Variants in SETBP1 observed in about 807,000 individuals in gnomAD.
SETBP1 encodes SET-binding protein.
Under a neutral mutation model 101.0 loss-of-function variants are expected in SETBP1, and 9 were observed. That is an observed-to-expected ratio of 0.09 (90% confidence interval 0.05 to 0.16). The LOEUF (loss-of-function observed/expected upper bound fraction) is 0.16, where lower values mean the gene tolerates loss of function less well. Among genes scored for constraint, SETBP1 ranks in the 10% least tolerant of loss-of-function variants. The pLI is 1.00. For synonymous variants in SETBP1, 818 were observed against 788.5 expected (o/e 1.04, Z -0.63); for missense variants, 1,858 against 2,033.8 (o/e 0.91, Z 1.66).
chr18:44,912,943 C>G (rs778673408), intron 3 of SETBP1, among the ~76,000 whole-genome samples: 8 of 152,100 alleles, frequency 5.3e-5, no homozygotes, highest in Non-Finnish European at 1.0e-4. Flanking sequence ...GGCTCTGGCA[C>G]CTCTCTTCAG....
At chr18:44,745,727 A>G (rs1373376201) in intron 2 of SETBP1, among the ~76,000 whole-genome samples, 1 of 152,158 alleles carries the variant, frequency 6.6e-6, no homozygotes, top group African/African-American at 2.4e-5. Context: ...TGGGGAGTCA[A>G]TAAGGAGACT....
chr18:44,813,333 AG>A (rs1192565500), intron 2 of SETBP1, among the ~76,000 whole-genome samples: 2 of 152,162 alleles, frequency 1.3e-5, no homozygotes, highest in Non-Finnish European at 2.9e-5. Context: ...GGGAAGTAGA[AG>A]GGCTTTTTTT....
chr18:44,687,960 G>A (rs971404604), intron 1 of SETBP1, among the ~76,000 whole-genome samples: 13 of 152,112 alleles, frequency 8.5e-5, no homozygotes, highest in African/African-American at 2.9e-4. Flanking sequence ...GATCAGATAC[G>A]GTGACCCACA....
At chr18:44,859,252 A>G (rs1037911006) in intron 2 of SETBP1, among the ~76,000 whole-genome samples, 2 of 152,210 alleles carry the variant, frequency 1.3e-5, no homozygotes, top group African/African-American at 4.8e-5. Flanking sequence ...GGGGAGATCA[A>G]GATGGCAGAG....
At chr18:44,726,506 G>T (rs916846654) in intron 2 of SETBP1, among the ~76,000 whole-genome samples, 2 of 152,160 alleles carry the variant, frequency 1.3e-5, no homozygotes, top group African/African-American at 2.4e-5. Flanking sequence ...TGAATAACTT[G>T]CCAAATGACA....
intron 3 of SETBP1, among the ~76,000 whole-genome samples, chr18:44,903,973 T>A (rs548520864): frequency 6.6e-6 from 1 of 152,308 alleles, no homozygotes; most frequent in Non-Finnish European, 1.5e-5. Flanking sequence ...AAATTAAAGG[T>A]CTTTTAGGCC....
intron 2 of SETBP1, among the ~76,000 whole-genome samples, chr18:44,708,049 G>T (rs963901421): frequency 6.6e-6 from 1 of 152,200 alleles, no homozygotes; most frequent in Admixed American, 6.5e-5. Flanking sequence ...GTGAGGAGGG[G>T]TCTATGAGAG....
At chr18:44,817,946 G>A (rs985960167) in intron 2 of SETBP1, among the ~76,000 whole-genome samples, 1 of 152,126 alleles carries the variant, frequency 6.6e-6, no homozygotes, top group African/African-American at 2.4e-5. Flanking sequence ...ACTGTCTTTG[G>A]ACATATATAA....
chr18:44,908,495 A>G (rs776957792), intron 3 of SETBP1, among the ~76,000 whole-genome samples: 1 of 152,218 alleles, frequency 6.6e-6, no homozygotes, highest in Non-Finnish European at 1.5e-5. Flanking sequence ...TCAAAAGTCA[A>G]TGAGCAATAA....
intron 3 of SETBP1, among the ~76,000 whole-genome samples, chr18:44,908,082 A>G (rs544560128): frequency 6.7e-6 from 1 of 149,656 alleles, no homozygotes; most frequent in Admixed American, 6.7e-5. Flanking sequence ...TTTTTTTGAG[A>G]CAGAGTCTTG....
intron 2 of SETBP1, among the ~76,000 whole-genome samples, chr18:44,720,531 A>G (rs1599031399): frequency 1.3e-5 from 2 of 152,352 alleles, no homozygotes; most frequent in African/African-American, 2.4e-5. Context: ...ATGCAGAGCC[A>G]TCGCTCCCAG....
intron 2 of SETBP1, among the ~76,000 whole-genome samples, chr18:44,778,665 G>T (rs1337537118): frequency 6.6e-6 from 1 of 152,212 alleles, no homozygotes; most frequent in Non-Finnish European, 1.5e-5. Flanking sequence ...ACTCTTCAAA[G>T]ATTCTACTTA....
intron 4 of SETBP1, among the ~76,000 whole-genome samples, chr18:44,967,111 C>G (rs531124807): frequency 6.6e-6 from 1 of 152,344 alleles, no homozygotes; most frequent in Non-Finnish European, 1.5e-5. Context: ...TTAAATCCAA[C>G]TCTGAATCAC....
intron 2 of SETBP1, among the ~76,000 whole-genome samples, chr18:44,752,134 T>TA (rs1487950672): frequency 6.6e-6 from 1 of 151,908 alleles, no homozygotes; most frequent in Non-Finnish European, 1.5e-5. Context: ...GGGAAAAAAA[T>TA]AAAAAATATG....
intron 2 of SETBP1, among the ~76,000 whole-genome samples, chr18:44,800,030 CAA>C (rs2071570982): frequency 6.6e-6 from 1 of 152,156 alleles, no homozygotes; most frequent in African/African-American, 2.4e-5. Flanking sequence ...TCATGACTGA[CAA>C]ATCATTCCCT....
intron 2 of SETBP1, among the ~76,000 whole-genome samples, chr18:44,778,593 C>T (rs1173938601): frequency 1.3e-5 from 2 of 152,214 alleles, no homozygotes; most frequent in Non-Finnish European, 2.9e-5. Flanking sequence ...ATGTAATTTT[C>T]TTAAGTTGGC....
At chr18:44,753,161 G>A (rs2144545807) in intron 2 of SETBP1, among the ~76,000 whole-genome samples, 1 of 152,312 alleles carries the variant, frequency 6.6e-6, no homozygotes, top group East Asian at 1.9e-4. Context: ...TACAGAGAAA[G>A]ATGAGCTACT....
rs916489644 is a variant in SETBP1, at chr18:44,772,101, T to C, written c.486+70269T>C. Among the ~76,000 whole-genome samples the C allele has an allele frequency of 9.5e-4, 144 of 152,144 alleles. 1 individual carries two copies. Among genetic ancestry groups the C allele is most frequent in the African/African-American group, 3.2e-3 (133 of 41,504 alleles). The stretch of plus-strand genomic sequence containing the variant: ...TTATGCTTCCTCTTTCCCCATCCTC[T>C]CCCCCGCCCCAGCCTCCCCACCTCC... On this transcript the variant is annotated intron_variant, in intron 2 of 5. Transcript: ENST00000649279.
At chr18:44,772,651 G>A (rs538985197) in intron 2 of SETBP1, among the ~76,000 whole-genome samples, 3 of 152,258 alleles carry the variant, frequency 2.0e-5, no homozygotes, top group African/African-American at 7.2e-5. Context: ...CTTAAGCTTT[G>A]AGCTTTGCAC....
Sources: allele counts gnomAD v4.1 joint callset (sites outside exome capture counted in the v4.1 genomes callset), GRCh38; gene constraint gnomAD v4.1.1; transcripts MANE v1.5; gene names NCBI Gene and HGNC (gene_info 2026-07-23, HGNC 2026-07-21).